The following ITK variants were observed in gnomAD, a reference collection of about 807,000 sequenced individuals.
ITK encodes IL2 inducible T cell kinase.
ITK carries 45 observed loss-of-function variants against 87.6 expected under a neutral mutation model. That is an observed-to-expected ratio of 0.51 (90% confidence interval 0.40 to 0.66). ITK has a LOEUF of 0.66. ITK is among the 30% of genes least tolerant of loss of function. ITK has a pLI of 0.00. For synonymous variants in ITK, 303 were observed against 273.6 expected (o/e 1.11, Z -1.06); for missense variants, 605 against 766.3 (o/e 0.79, Z 2.48).
intron 8 of ITK, among the ~76,000 whole-genome samples, chr5:157,236,518 A>G (rs1408769123): frequency 6.6e-6 from 1 of 152,154 alleles, no homozygotes; most frequent in Non-Finnish European, 1.5e-5. Flanking sequence ...GTGTTGTTGT[A>G]GTTTCTATAT....
intron 16 of ITK, among the ~76,000 whole-genome samples, chr5:157,250,818 G>A (rs1359070562): frequency 6.6e-6 from 1 of 151,768 alleles, no homozygotes; most frequent in Non-Finnish European, 1.5e-5. Flanking sequence ...CCTTCACTTA[G>A]TAATATGCCT....
At chr5:157,241,313 T>C (rs183824674) in intron 10 of ITK, 124 of 173,224 alleles carry the variant, frequency 7.2e-4, no homozygotes, top group Admixed American at 3.0e-3. Flanking sequence ...GGAGACTTAA[T>C]GAAAACTGGC....
At position 157,238,110 on chromosome 5, in the gene ITK, G is replaced by A; in HGVS notation, c.770G>A (p.Gly257Asp). Residue 257 changes from glycine (G) to aspartate (D), a missense_variant and splice_region_variant, in exon 9 of 17, where the codon GGC becomes GAC. Gly to Asp is a moderately conservative substitution (Grantham distance 94). Transcript: ENST00000422843. ...DKAEKLLLDT[G>D]KEGAFMVRDS... ...TTCCATTCTTTCTAACCATTCCAGG[G>A]CAAAGAAGGAGCCTTCATGGTAAGG... is the stretch of plus-strand genomic sequence containing the variant. 1.2e-6 allele frequency: 2 copies of A among 1,611,500 alleles called. No individual in the cohort carries two copies. Among genetic ancestry groups the A allele is most frequent in the Non-Finnish European group, 1.7e-6 (2 of 1,177,692 alleles).
intron 11 of ITK, 86 bp downstream of exon 11, chr5:157,241,806 C>A: frequency 1.1e-6 from 1 of 880,472 alleles, no homozygotes. Context: ...CCTACCTGTT[C>A]CTCAGACTAC....
intron 10 of ITK, chr5:157,240,840 C>T (rs1754877540): frequency 6.5e-6 from 1 of 153,568 alleles, no homozygotes; most frequent in Non-Finnish European, 1.4e-5. Flanking sequence ...GTGATGGATC[C>T]CACCTAATGA....
rs1183699280 is a variant in ITK, at chr5:157,254,451, T to G, written c.*1773T>G. On this transcript the variant is annotated 3_prime_UTR_variant, in exon 17 of 17. Transcript: ENST00000422843. ...CTTCCTTTAATTATCATTCCAACTTTCAGCTGTAGTCTTCTTGAACACTTC... is the reference window on the plus strand; with the variant it reads ...CTTCCTTTAATTATCATTCCAACTTGCAGCTGTAGTCTTCTTGAACACTTC... 4.5e-6 allele frequency: 1 copy of G among 221,370 alleles called. No individual in the cohort carries two copies. Among genetic ancestry groups the G allele is most frequent in the African/African-American group, 2.2e-5 (1 of 44,684 alleles). The allele number at this position is 221,370 out of a possible 1,614,324, so 13.7% of individuals were successfully genotyped here.
chr5:157,218,538 C>T (rs1754347849), intron 5 of ITK, among the ~76,000 whole-genome samples: 1 of 150,712 alleles, frequency 6.6e-6, no homozygotes, highest in Admixed American at 6.6e-5. Flanking sequence ...ACAAGGTGCA[C>T]ATCTACTCTT....
intron 8 of ITK, among the ~76,000 whole-genome samples, chr5:157,236,442 C>T (rs748514583): frequency 6.6e-6 from 1 of 151,912 alleles, no homozygotes; most frequent in Non-Finnish European, 1.5e-5. Flanking sequence ...GGGCCACTGT[C>T]TGTGTGTGTA....
rs749411240 is a variant in ITK at position 157,222,859 on chromosome 5, C to G, written c.496-4C>G. The G allele has an allele frequency of 2.0e-5, 33 of 1,613,788 alleles. No individual in the cohort carries two copies. Among genetic ancestry groups the G allele is most frequent in the African/African-American group, 6.7e-5 (5 of 74,816 alleles). ...TGCTTGGTTTTGTTGTCTCTCTTCC[C>G]CAGCGACCACTTTGGGAACCTGAAG... On this transcript the variant is annotated splice_polypyrimidine_tract_variant and splice_region_variant and intron_variant, in intron 5 of 16. Coordinates refer to ENST00000422843, the MANE Select transcript of ITK (RefSeq NM_005546.4).
Position 157,248,915 on chromosome 5 carries a change from G to A in ITK, c.1699G>A (p.Val567Met). 6.2e-7 allele frequency: 1 copy of A among 1,613,964 alleles called. No homozygotes were observed. Among genetic ancestry groups the A allele is most frequent in the East Asian group, 2.2e-5 (1 of 44,890 alleles). ...IPYENRSNSE[V>M]VEDISTGFRL... is the part of the protein sequence containing the mutation. ...GTATGAAAACCGAAGCAACTCAGAGGTGGTGGAAGACATCAGTACCGGATT... is the reference window on the plus strand; with the variant it reads ...GTATGAAAACCGAAGCAACTCAGAGATGGTGGAAGACATCAGTACCGGATT... Residue 567 changes from valine (V) to methionine (M), a missense_variant, in exon 16 of 17, where the codon GTG becomes ATG. Val to Met is a conservative substitution (Grantham distance 21). This residue lies in a region of ITK where 70 missense variants were observed against 122.5 expected (regional missense o/e 0.57). Coordinates refer to ENST00000422843, the MANE Select transcript of ITK (RefSeq NM_005546.4).
At chr5:157,252,120 A>G (rs1042407695) in intron 16 of ITK, among the ~76,000 whole-genome samples, 2 of 152,216 alleles carry the variant, frequency 1.3e-5, no homozygotes, top group Non-Finnish European at 2.9e-5. Flanking sequence ...GTCCATGAAC[A>G]TGGAATATCT....
At chr5:157,201,978 T>C (rs1198598133) in intron 1 of ITK, among the ~76,000 whole-genome samples, 1 of 152,186 alleles carries the variant, frequency 6.6e-6, no homozygotes, top group African/African-American at 2.4e-5. Flanking sequence ...AGATTTTCAA[T>C]TCCCACCCTC....
chr5:157,239,050 C>T (rs1348772798), intron 9 of ITK, among the ~76,000 whole-genome samples: 2 of 152,136 alleles, frequency 1.3e-5, no homozygotes, highest in African/African-American at 4.8e-5. Context: ...CAGTGTACAT[C>T]ACAGAGGGGC....
intron 1 of ITK, among the ~76,000 whole-genome samples, chr5:157,188,229 T>G (rs1753684861): frequency 6.6e-6 from 1 of 152,186 alleles, no homozygotes; most frequent in Admixed American, 6.5e-5. Context: ...CATTTGAAGT[T>G]TTTTACAGTC....
chr5:157,225,519 A>G (rs558392514), intron 6 of ITK, among the ~76,000 whole-genome samples: 45 of 152,280 alleles, frequency 3.0e-4, no homozygotes, highest in African/African-American at 9.9e-4. Context: ...TTTACCTTTT[A>G]CATACACCAG....
chr5:157,189,858 G>A (rs974331312), intron 1 of ITK, among the ~76,000 whole-genome samples: 49 of 152,092 alleles, frequency 3.2e-4, no homozygotes, highest in Non-Finnish European at 1.3e-4. Context: ...TTTTCTTAAC[G>A]AACTAATAAT....
intron 1 of ITK, among the ~76,000 whole-genome samples, chr5:157,202,912 G>A (rs1754004425): frequency 6.6e-6 from 1 of 152,156 alleles, no homozygotes; most frequent in South Asian, 2.1e-4. Flanking sequence ...CACAATTCCA[G>A]TTAATATTTG....
intron 10 of ITK, 43 bp from the exon 11 acceptor site, chr5:157,241,603 G>A (rs1021847559): frequency 1.5e-6 from 2 of 1,378,472 alleles, no homozygotes; most frequent in African/African-American, 1.4e-5. Context: ...GGTTGCTAGA[G>A]CAAAGCCCTA....
chr5:157,190,456 C>T (rs1446177232), intron 1 of ITK, among the ~76,000 whole-genome samples: 1 of 152,166 alleles, frequency 6.6e-6, no homozygotes, highest in Non-Finnish European at 1.5e-5. Context: ...GTGAGGAACG[C>T]AGTGGTAAGT....
Sources: gnomAD v4.1 joint callset for allele counts (sites outside exome capture counted in the v4.1 genomes callset) on GRCh38, gnomAD v4.1.1 for gene constraint, gnomAD v4.1.1 regional missense constraint, MANE v1.5 for transcripts, NCBI Gene and HGNC (gene_info 2026-07-23, HGNC 2026-07-21) for gene names.